The following PBX1 variants were observed in gnomAD, a reference collection of about 807,000 sequenced individuals.
The protein encoded by PBX1 is PBX homeobox 1, also known as pre-B-cell leukemia transcription factor 1.
Under a neutral mutation model 53.4 loss-of-function variants are expected in PBX1, and 6 were observed. That is an observed-to-expected ratio of 0.11 (90% CI 0.06 to 0.22). PBX1 has a LOEUF of 0.22. Among genes scored for constraint, PBX1 ranks in the 10% least tolerant of loss-of-function variants. PBX1 has a pLI of 1.00. For missense variants in PBX1, 251 were observed against 551.4 expected (o/e 0.46, Z 5.46); for synonymous variants, 204 against 212.3 (o/e 0.96, Z 0.34).
At chr1:164,842,347 C>T (rs1373224005) in intron 8 of PBX1, among the ~76,000 whole-genome samples, 1 of 152,190 alleles carries the variant, frequency 6.6e-6, no homozygotes, top group African/African-American at 2.4e-5. Flanking sequence ...CTCAGACAGG[C>T]ATGTTTTGCA....
chr1:164,641,289 GTCCATTCA>G (rs1659126292), intron 2 of PBX1: 1 of 152,740 alleles, frequency 6.5e-6, no homozygotes, highest in Non-Finnish European at 1.5e-5. Flanking sequence ...TGGGAGTGGG[GTCCATTCA>G]TCCATCTCTC....
intron 5 of PBX1, 65 bp from the exon 6 acceptor site, chr1:164,811,925 T>A: frequency 7.0e-7 from 1 of 1,428,950 alleles, no homozygotes; most frequent in Non-Finnish European, 9.5e-7. Flanking sequence ...AAGCCTTTTT[T>A]TTCTTCTGCA....
At chr1:164,803,488 C>CCT (rs780055103) in intron 4 of PBX1, among the ~76,000 whole-genome samples, 23 of 152,156 alleles carry the variant, frequency 1.5e-4, no homozygotes, top group Non-Finnish European at 2.9e-5. Context: ...TGAGATCTGT[C>CCT]CTCTGCCTTT....
chr1:164,810,141 A>G (rs1313148206), intron 5 of PBX1, among the ~76,000 whole-genome samples: 2 of 152,134 alleles, frequency 1.3e-5, no homozygotes, highest in East Asian at 1.9e-4. Context: ...GGACTTCATC[A>G]TGGCTCTGCC....
At chr1:164,882,758 A>C (rs1672690510) in intron 2 of PBX1, among the ~76,000 whole-genome samples, 1 of 152,190 alleles carries the variant, frequency 6.6e-6, no homozygotes, top group Non-Finnish European at 1.5e-5. Flanking sequence ...AATTATAATC[A>C]AGGACATCAG....
intron 2 of PBX1, among the ~76,000 whole-genome samples, chr1:164,885,434 C>T (rs1409631134): frequency 6.6e-6 from 1 of 152,210 alleles, no homozygotes; most frequent in Non-Finnish European, 1.5e-5. Context: ...ACACCAGTCT[C>T]AGCTCAGCCA....
At chr1:164,663,545 T>C (rs1013014546) in intron 2 of PBX1, among the ~76,000 whole-genome samples, 10 of 152,354 alleles carry the variant, frequency 6.6e-5, no homozygotes, top group Admixed American at 3.9e-4. Context: ...AAGATACTTA[T>C]CATCGACATG....
chr1:164,612,960 G>T (rs1390032350), intron 2 of PBX1, among the ~76,000 whole-genome samples: 1 of 152,160 alleles, frequency 6.6e-6, no homozygotes, highest in Non-Finnish European at 1.5e-5. Context: ...ACCTCCCAGG[G>T]TTATTGGGCA....
rs148932770 is a variant in PBX1, at chr1:164,603,388, A to G, written c.265+40077A>G. ...TATTAAAAATTAAAATTAGGGCAAA[A>G]TAATGCGGATTTGTCCTGGAGGACC... is the stretch of plus-strand genomic sequence containing the variant. On this transcript the variant is annotated intron_variant, in intron 2 of 8. Coordinates refer to ENST00000420696, the MANE Select transcript of PBX1 (RefSeq NM_002585.4). Among the ~76,000 whole-genome samples the G allele has an allele frequency of 6.6e-4, 100 of 152,266 alleles. 2 individuals carry two copies. In the East Asian group the frequency reaches 0.018, roughly 27 times the overall value.
chr1:164,840,490 C>CT (rs1183230799), intron 8 of PBX1, among the ~76,000 whole-genome samples: 1 of 152,240 alleles, frequency 6.6e-6, no homozygotes, highest in East Asian at 1.9e-4. Context: ...CATTAGGAGA[C>CT]TATGTCTGTT....
At chr1:164,589,689 A>C (rs898685206) in intron 2 of PBX1, among the ~76,000 whole-genome samples, 4 of 152,104 alleles carry the variant, frequency 2.6e-5, no homozygotes, top group Non-Finnish European at 4.4e-5. Context: ...TTTAGGGTGG[A>C]GGAGATATTA....
intron 2 of PBX1, among the ~76,000 whole-genome samples, chr1:164,731,872 G>A (rs1386653756): frequency 6.6e-6 from 1 of 152,136 alleles, no homozygotes; most frequent in African/African-American, 2.4e-5. Flanking sequence ...GTATCGCCTG[G>A]GCCCCTGCTG....
chr1:164,838,113 G>A (rs545971192), intron 8 of PBX1, among the ~76,000 whole-genome samples: 1 of 152,310 alleles, frequency 6.6e-6, no homozygotes, highest in East Asian at 1.9e-4. Context: ...TACAGTTGAT[G>A]GAATCTTCCA....
intron 2 of PBX1, among the ~76,000 whole-genome samples, chr1:164,670,331 C>T (rs1383531892): frequency 6.6e-6 from 1 of 152,200 alleles, no homozygotes; most frequent in East Asian, 1.9e-4. Context: ...TGCTTCCCCA[C>T]TCAATCCCTT....
chr1:164,766,964 G>A (rs1314007391), intron 2 of PBX1, among the ~76,000 whole-genome samples: 1 of 151,688 alleles, frequency 6.6e-6, no homozygotes, highest in East Asian at 1.9e-4. Context: ...TCCCGACCTC[G>A]TGATCCGCCC....
chr1:164,715,708 C>A (rs1263723186), intron 2 of PBX1, among the ~76,000 whole-genome samples: 1 of 152,220 alleles, frequency 6.6e-6, no homozygotes, highest in Admixed American at 6.5e-5. Context: ...TATAACTGGA[C>A]TGGATGACTG....
intron 2 of PBX1, among the ~76,000 whole-genome samples, chr1:164,572,200 C>G (rs1165380048): frequency 6.6e-6 from 1 of 151,862 alleles, no homozygotes; most frequent in African/African-American, 2.4e-5. Context: ...AGGCACCGCG[C>G]CCAGCCTGAG....
intron 2 of PBX1, among the ~76,000 whole-genome samples, chr1:164,687,973 T>A (rs183264018): frequency 2.0e-5 from 3 of 152,318 alleles, no homozygotes; most frequent in Admixed American, 1.3e-4. Flanking sequence ...TTTGAGACTC[T>A]GTTATGATAT....
chr1:164,588,235 T>C (rs1210767053), intron 2 of PBX1, among the ~76,000 whole-genome samples: 1 of 152,126 alleles, frequency 6.6e-6, no homozygotes, highest in Admixed American at 6.5e-5. Flanking sequence ...TAGAGCACAA[T>C]AGAAAAATCA....
Sources: gnomAD v4.1 joint callset for allele counts (sites outside exome capture counted in the v4.1 genomes callset) on GRCh38, gnomAD v4.1.1 for gene constraint, MANE v1.5 for transcripts, NCBI Gene and HGNC (gene_info 2026-07-23, HGNC 2026-07-21) for gene names.